The following ANLN variants were observed in gnomAD, a reference collection of about 807,000 sequenced individuals.
ANLN encodes the protein anillin, actin binding protein, also known as anillin.
ANLN carries 59 observed loss-of-function variants against 135.1 expected under a neutral mutation model. The observed-to-expected ratio is 0.44, with a 90% CI of 0.35 to 0.54. The LOEUF (loss-of-function observed/expected upper bound fraction) is 0.54, where lower values mean the gene tolerates loss of function less well. Ranked by LOEUF, ANLN falls within the 20% of genes least tolerant of loss-of-function variation. The pLI, the probability that ANLN is intolerant of heterozygous loss-of-function variation, is 0.00. For synonymous variants in ANLN, 406 were observed against 456.4 expected (o/e 0.89, Z 1.41); for missense variants, 1,182 against 1,340.0 (o/e 0.88, Z 1.84).
At chr7:36,431,037 A>G (rs1788289746) in intron 20 of ANLN, among the ~76,000 whole-genome samples, 1 of 152,162 alleles carries the variant, frequency 6.6e-6, no homozygotes. Flanking sequence ...TTCCTCAGCT[A>G]CAGAGTAAGA....
At chr7:36,406,090 A>G in intron 3 of ANLN, 91 bp from the exon 4 acceptor site, 3 of 1,262,900 alleles carry the variant, frequency 2.4e-6, no homozygotes, top group Middle Eastern at 2.0e-4. Flanking sequence ...TATTAATCTC[A>G]TTTAAAAATT....
At chr7:36,408,710 A>T (rs1787291859) in intron 5 of ANLN, among the ~76,000 whole-genome samples, 1 of 152,012 alleles carries the variant, frequency 6.6e-6, no homozygotes, top group African/African-American at 2.4e-5. Context: ...TCATTAATCA[A>T]CCTCTCTTCA....
intron 22 of ANLN, chr7:36,449,241 T>C (rs1168384831): frequency 1.3e-5 from 2 of 153,104 alleles, no homozygotes; most frequent in East Asian, 1.9e-4. Context: ...TTATCTTTCA[T>C]AGATATATAA....
chr7:36,437,783 A>T (rs957069409), intron 20 of ANLN, among the ~76,000 whole-genome samples: 16 of 151,188 alleles, frequency 1.1e-4, no homozygotes, highest in Admixed American at 3.3e-4. Context: ...TATTTTAAAA[A>T]TTTTTTTTTG....
At chr7:36,419,526 T>C (rs1463007345) in intron 10 of ANLN, 47 bp downstream of exon 10, 22 of 1,472,272 alleles carry the variant, frequency 1.5e-5, no homozygotes, top group South Asian at 9.4e-5. Flanking sequence ...GTAAACTAAG[T>C]AGTATTCGTA....
chr7:36,449,584 G>T, intron 22 of ANLN, 81 bp from the exon 23 acceptor site: 4 of 1,051,664 alleles, frequency 3.8e-6, no homozygotes, highest in South Asian at 2.2e-5. Context: ...TATTTAATTT[G>T]TACCAACTTA....
At chr7:36,404,415 C>G (rs1464141260) in intron 3 of ANLN, among the ~76,000 whole-genome samples, 5 of 152,200 alleles carry the variant, frequency 3.3e-5, no homozygotes, top group Non-Finnish European at 1.5e-5. Flanking sequence ...CACCATCTTT[C>G]TGTGCATCTT....
At chr7:36,398,129 G>A (rs1325099679) in intron 2 of ANLN, among the ~76,000 whole-genome samples, 3 of 151,784 alleles carry the variant, frequency 2.0e-5, no homozygotes, top group Admixed American at 1.3e-4. Flanking sequence ...GAGATATATT[G>A]AAACTCATAG....
At position 36,443,880 on chromosome 7, in the gene ANLN, G is replaced by A. The variant is rs928522443; in HGVS notation, c.3078+18G>A. 1 of 1,536,918 alleles carries A rather than the reference G, an allele frequency of 6.5e-7. No individual in the cohort carries two copies. Among genetic ancestry groups the A allele is most frequent in the East Asian group, 2.3e-5 (1 of 43,314 alleles). ...AACGCAAGGTAATTTATATAGTACT[G>A]TTTAGTGGTGAAAGCCCTGATTGAC... is the stretch of plus-strand genomic sequence containing the variant. On this transcript the variant is annotated intron_variant, in intron 22 of 23. Transcript: ENST00000265748.
intron 23 of ANLN, among the ~76,000 whole-genome samples, chr7:36,451,987 G>A (rs1391332736): frequency 1.3e-5 from 2 of 152,174 alleles, no homozygotes; most frequent in African/African-American, 4.8e-5. Flanking sequence ...TAATATAGTA[G>A]GACAAATCTA....
chr7:36,426,295 T>C (rs1447492537), intron 19 of ANLN, among the ~76,000 whole-genome samples: 1 of 152,160 alleles, frequency 6.6e-6, no homozygotes, highest in Non-Finnish European at 1.5e-5. Context: ...CATTACTCTT[T>C]ACTTCAACTT....
At chr7:36,429,470 C>G (rs1236276773) in intron 20 of ANLN, among the ~76,000 whole-genome samples, 1 of 152,184 alleles carries the variant, frequency 6.6e-6, no homozygotes, top group East Asian at 1.9e-4. Context: ...ATCTGCTCGC[C>G]TTGGTCTCAC....
At chr7:36,443,884 A>T in intron 22 of ANLN, 22 bp downstream of exon 22, 1 of 1,518,548 alleles carries the variant, frequency 6.6e-7, no homozygotes, top group South Asian at 1.2e-5. Flanking sequence ...AGTACTGTTT[A>T]GTGGTGAAAG....
chr7:36,417,052 T>G (rs1787673088), intron 8 of ANLN, 28 bp from the exon 9 acceptor site: 1 of 1,239,200 alleles, frequency 8.1e-7, no homozygotes, highest in Non-Finnish European at 1.2e-6. Flanking sequence ...TTATATATAT[T>G]AATATGGTCT....
chr7:36,443,622 TAAAA>T, intron 21 of ANLN, 129 bp from the exon 22 acceptor site: 2 of 588,022 alleles, frequency 3.4e-6, no homozygotes, highest in South Asian at 4.9e-5. Flanking sequence ...AAAGACATGA[TAAAA>T]AAACATACAA....
intron 1 of ANLN, among the ~76,000 whole-genome samples, chr7:36,393,532 G>C (rs1786569008): frequency 6.6e-6 from 1 of 152,224 alleles, no homozygotes; most frequent in Non-Finnish European, 1.5e-5. Context: ...GTCCTGATGG[G>C]TGGGTACTGA....
rs752260371 is a variant in ANLN at position 36,439,201 on chromosome 7, C to A, written c.2884-3C>A. ...GCAAATAATTTACCTGTTTTCTTTG[C>A]AGGTCCCCTTTTTATCTTCTTTGGA... On this transcript the variant is annotated splice_region_variant and splice_polypyrimidine_tract_variant and intron_variant, in intron 20 of 23. Transcript: ENST00000265748. 11 of 1,545,238 alleles carry A rather than the reference C, an allele frequency of 7.1e-6. No individual in the cohort carries two copies. Among genetic ancestry groups the A allele is most frequent in the Non-Finnish European group, 8.9e-6 (10 of 1,127,554 alleles).
At chr7:36,420,792 C>T in intron 12 of ANLN, 48 bp downstream of exon 12, 1 of 1,588,386 alleles carries the variant, frequency 6.3e-7, no homozygotes, top group South Asian at 1.1e-5. Flanking sequence ...TTGCACTAGG[C>T]TGTGAGCTCT....
At chr7:36,413,759 G>A (rs989906374) in intron 7 of ANLN, among the ~76,000 whole-genome samples, 1 of 152,178 alleles carries the variant, frequency 6.6e-6, no homozygotes, top group African/African-American at 2.4e-5. Context: ...AGGAGACTGA[G>A]GCAGGTGGAT....
Sources: allele counts gnomAD v4.1 joint callset (sites outside exome capture counted in the v4.1 genomes callset), GRCh38; gene constraint gnomAD v4.1.1; transcripts MANE v1.5; gene names NCBI Gene and HGNC (gene_info 2026-07-23, HGNC 2026-07-21).